Variants in HFE observed in about 807,000 individuals in gnomAD.
HFE encodes the protein homeostatic iron regulator.
HFE carries 36 observed loss-of-function variants against 40.9 expected under a neutral mutation model. The ratio of observed to expected loss-of-function variants is 0.88; its 90% CI spans 0.67 to 1.16. HFE has a LOEUF of 1.16. HFE is among the 50% of genes most tolerant of loss of function. The pLI is 0.00. For missense variants in HFE, 376 were observed against 432.0 expected (o/e 0.87, Z 1.15); for synonymous variants, 157 against 165.4 (o/e 0.95, Z 0.39).
rs552151565 is a variant in HFE, at chr6:26,096,279, G to T, written c.*2053G>T. ...CTCCCAAGTAGCTGGGATTACAGGC[G>T]TGCACCACCATGCCCGGCTAATTTT... On this transcript the variant is annotated 3_prime_UTR_variant, in exon 6 of 6. Transcript: ENST00000357618. The T allele has an allele frequency of 3.0e-6, 1 of 334,266 alleles. No individual in the cohort carries two copies. Among genetic ancestry groups the T allele is most frequent in the Non-Finnish European group, 5.9e-6 (1 of 170,312 alleles). The allele number at this position is 334,266 out of a possible 1,614,324, so 20.7% of individuals were successfully genotyped here.
intron 1 of HFE, among the ~76,000 whole-genome samples, chr6:26,089,277 G>T (rs1213911580): frequency 6.6e-6 from 1 of 152,088 alleles, no homozygotes; most frequent in African/African-American, 2.4e-5. Flanking sequence ...ACAAACTCCT[G>T]GTTAAGAAGC....
Position 26,092,860 on chromosome 6 carries a change from C to G in HFE, c.792C>G (p.Tyr264Ter), listed in dbSNP as rs780246573. 1 of 1,614,184 alleles carries G rather than the reference C, an allele frequency of 6.2e-7. No homozygotes were observed. Among genetic ancestry groups the G allele is most frequent in the South Asian group, 1.1e-5 (1 of 91,082 alleles). ...KDVLPNGDGT[Y>*]QGWITLAVPP... ...TATTGCCCAATGGGGATGGGACCTACCAGGGCTGGATAACCTTGGCTGTAC... is the reference window on the plus strand; with the variant it reads ...TATTGCCCAATGGGGATGGGACCTAGCAGGGCTGGATAACCTTGGCTGTAC... The change falls in exon 4 of 6, where the codon TAC becomes TAG. Residue 264 changes from tyrosine to a stop codon, truncating the protein, a stop_gained. Coordinates refer to ENST00000357618, the MANE Select transcript of HFE (RefSeq NM_000410.4). LOFTEE classifies it high-confidence loss of function.
chr6:26,089,183 T>C (rs1454090340), intron 1 of HFE, among the ~76,000 whole-genome samples: 1 of 150,562 alleles, frequency 6.6e-6, no homozygotes, highest in East Asian at 2.0e-4. Flanking sequence ...TATCCTGTCC[T>C]CCCTACTCAC....
In HFE at chr6:26,095,325, TA is replaced by T. The variant is rs1487788562; in HGVS notation, c.*1104del. 1 of 151,876 alleles carries T rather than the reference TA, an allele frequency of 6.6e-6. No individual in the cohort carries two copies. The highest frequency in any genetic ancestry group is 2.4e-5 in the African/African-American group (1 of 41,324). The allele number at this position is 151,876 out of a possible 1,614,324, so 9.4% of individuals were successfully genotyped here. ...TAACATGGTGAAACCCCATCTCTAATAAAAATACAAAAAATTAGCTGGGCGT... is the reference window on the plus strand; with the variant it reads ...TAACATGGTGAAACCCCATCTCTAATAAAATACAAAAAATTAGCTGGGCGT... On this transcript the variant is annotated 3_prime_UTR_variant, in exon 6 of 6. Transcript: ENST00000357618.
chr6:26,087,482 T>C lies in HFE; in HGVS notation c.42T>C (p.Leu14=). ...RARPALLLLM[L]LQTAVLQGRL... is the part of the protein sequence containing the mutation. ...GGCCGGCGCTTCTCCTCCTGATGCT[T>C]TTGCAGACCGCGGTCCTGCAGGGGC... Residue 14 remains leucine (L), a synonymous_variant, in exon 1 of 6, where the codon CTT becomes CTC. Transcript: ENST00000357618. 6.2e-7 allele frequency: 1 copy of C among 1,614,008 alleles called. No individual in the cohort carries two copies. Among genetic ancestry groups the C allele is most frequent in the South Asian group, 1.1e-5 (1 of 91,078 alleles).
At chr6:26,092,603 C>T (rs772895483) in intron 3 of HFE, 82 bp from the exon 4 acceptor site, 14 of 1,612,654 alleles carry the variant, frequency 8.7e-6, no homozygotes, top group Non-Finnish European at 1.2e-5. Flanking sequence ...TTCCTCCAAC[C>T]TATAGAAGGA....
rs1276498610 is a variant in HFE, at chr6:26,097,917, T to C, written c.*3691T>C. 6.6e-6 allele frequency: 1 copy of C among 152,228 alleles called. No individual in the cohort carries two copies. Among genetic ancestry groups the C allele is most frequent in the Non-Finnish European group, 1.5e-5 (1 of 68,046 alleles). 9.4% of individuals were successfully genotyped at this position (152,228 alleles called of 1,614,324 possible). ...ATTTTTCATAAACTCAGTTTTAAAC[T>C]AACTTTTTTTCAAACCACAATCTGA... On this transcript the variant is annotated 3_prime_UTR_variant, in exon 6 of 6. Coordinates refer to ENST00000357618, the MANE Select transcript of HFE (RefSeq NM_000410.4).
chr6:26,088,837 G>A (rs1392737660), intron 1 of HFE, among the ~76,000 whole-genome samples: 1 of 152,142 alleles, frequency 6.6e-6, no homozygotes, highest in Admixed American at 6.5e-5. Flanking sequence ...AGAGAGCAGG[G>A]AAACAAGTCT....
At chr6:26,093,272 CCCAGGG>C in intron 5 of HFE, 40 bp downstream of exon 5, 1 of 1,397,652 alleles carries the variant, frequency 7.2e-7, no homozygotes, top group Non-Finnish European at 1.0e-6. Context: ...GTACCTCTGC[CCCAGGG>C]CACAGTGGGA....
In HFE at chr6:26,092,958, G is replaced by A. The variant is rs780086403; in HGVS notation, c.890G>A (p.Trp297Ter). 6.2e-7 allele frequency: 1 copy of A among 1,614,044 alleles called. No individual in the cohort carries two copies. Among genetic ancestry groups the A allele is most frequent in the Non-Finnish European group, 8.5e-7 (1 of 1,180,036 alleles). Residue 297 changes from tryptophan (W) to a stop codon, truncating the protein, a stop_gained and splice_region_variant, in exon 4 of 6, where the codon TGG becomes TAG. Coordinates refer to ENST00000357618, the MANE Select transcript of HFE (RefSeq NM_000410.4). LOFTEE classifies it high-confidence loss of function. ...CTGGATCAGCCCCTCATTGTGATCT[G>A]GGGTATGTGACTGATGAGAGCCAGG... Reference protein sequence around the residue: ...PGLDQPLIVIWEPSPSGTLVI... With the variant: ...PGLDQPLIVI
intron 5 of HFE, 74 bp from the exon 6 acceptor site, chr6:26,094,112 A>T: frequency 1.4e-6 from 2 of 1,409,282 alleles, no homozygotes; most frequent in Non-Finnish European, 2.0e-6. Context: ...GAATGAGGAA[A>T]ATAAGGAAGA....
In HFE at chr6:26,091,108, T is replaced by C. The variant is rs2071303; in HGVS notation, c.340+4T>C. The C allele has an allele frequency of 0.36, 576,515 of 1,613,544 alleles. 106,933 individuals are homozygous for C. Among genetic ancestry groups the C allele is most frequent in the East Asian group, 0.71 (31,860 of 44,858 alleles). On this transcript the variant is annotated splice_donor_region_variant and intron_variant, in intron 2 of 5. Transcript: ENST00000357618. ...GAAAATCACAACCACAGCAAGGGTA[T>C]GTGGAGAGGGGGCCTCACCTTCCTG... is the stretch of plus-strand genomic sequence containing the variant.
In HFE at chr6:26,096,736, C is replaced by A; in HGVS notation, c.*2510C>A. The A allele has an allele frequency of 2.7e-6, 1 of 372,738 alleles. No homozygotes were observed. Among genetic ancestry groups the A allele is most frequent in the Non-Finnish European group, 5.2e-6 (1 of 193,344 alleles). 23.1% of individuals were successfully genotyped at this position (372,738 alleles called of 1,614,324 possible). On this transcript the variant is annotated 3_prime_UTR_variant, in exon 6 of 6. Transcript: ENST00000357618. The stretch of plus-strand genomic sequence containing the variant: ...ACAATTAAAGCTGTTATTTAATTAG[C>A]CAGTGAAAAACTATTAACAACTTGT...
At chr6:26,092,072 G>C (rs142114112) in intron 3 of HFE, among the ~76,000 whole-genome samples, 2 of 151,254 alleles carry the variant, frequency 1.3e-5, no homozygotes, top group Non-Finnish European at 2.9e-5. Context: ...TAATTGGAAG[G>C]CTGAGGCAGG....
rs777836090 is a variant in HFE at position 26,093,235 on chromosome 6, G to A, written c.1006+3G>A. On this transcript the variant is annotated splice_donor_region_variant and intron_variant, in intron 5 of 5. Coordinates refer to ENST00000357618, the MANE Select transcript of HFE (RefSeq NM_000410.4). ...ATTAAGGAAGAGGCAGGGTTCAAGTGAGTAGGAACAAGGGGGAAGTCTCTT... is the reference window on the plus strand; with the variant it reads ...ATTAAGGAAGAGGCAGGGTTCAAGTAAGTAGGAACAAGGGGGAAGTCTCTT... 6.3e-7 allele frequency: 1 copy of A among 1,597,696 alleles called. No homozygotes were observed. Among genetic ancestry groups the A allele is most frequent in the Non-Finnish European group, 8.6e-7 (1 of 1,165,088 alleles).
In HFE at chr6:26,098,132, T is replaced by C. The variant is rs1581679799; in HGVS notation, c.*3906T>C. 3 of 152,122 alleles carry C rather than the reference T, an allele frequency of 2.0e-5. No individual in the cohort carries two copies. The highest frequency in any genetic ancestry group is 7.3e-5 in the African/African-American group (3 of 41,338). The allele number at this position is 152,122 out of a possible 1,614,324, so 9.4% of individuals were successfully genotyped here. A position where few individuals can be genotyped will look rare whatever the true frequency, so the allele number is the denominator to read the frequency against. On this transcript the variant is annotated 3_prime_UTR_variant, in exon 6 of 6. Transcript: ENST00000357618. ...TACTACAATATTAAAGTATTTTGTA[T>C]GACAATTTTATTTGAAAGCCTAGGA...
In HFE at chr6:26,087,484, T is replaced by C. The variant is rs1266453187; in HGVS notation, c.44T>C (p.Leu15Ser). 1 of 1,614,068 alleles carries C rather than the reference T, an allele frequency of 6.2e-7. No homozygotes were observed. The highest frequency in any genetic ancestry group is 1.1e-5 in the South Asian group (1 of 91,082). Residue 15 changes from leucine (L) to serine (S), a missense_variant, in exon 1 of 6, where the codon TTG becomes TCG. This residue lies in a region of HFE where 200 missense variants were observed against 228.5 expected (regional missense o/e 0.88). Coordinates refer to ENST00000357618, the MANE Select transcript of HFE (RefSeq NM_000410.4). Reference protein sequence around the residue: ...ARPALLLLMLLQTAVLQGRLL... With the variant: ...ARPALLLLMLSQTAVLQGRLL... Reference sequence around the variant, plus strand: ...CCGGCGCTTCTCCTCCTGATGCTTTTGCAGACCGCGGTCCTGCAGGGGCGC... The same window carrying C: ...CCGGCGCTTCTCCTCCTGATGCTTTCGCAGACCGCGGTCCTGCAGGGGCGC...
intron 2 of HFE, 55 bp from the exon 3 acceptor site, chr6:26,091,259 G>A (rs1037169853): frequency 3.1e-6 from 5 of 1,612,462 alleles, no homozygotes; most frequent in Non-Finnish European, 4.2e-6. Context: ...TGGGGATGGT[G>A]GAAATAGGGA....
intron 5 of HFE, among the ~76,000 whole-genome samples, chr6:26,093,742 G>A (rs1762888235): frequency 6.6e-6 from 1 of 151,926 alleles, no homozygotes. Context: ...AAGTAGGAGA[G>A]TATAAGGCAT....
Sources: gnomAD v4.1 joint callset for allele counts (sites outside exome capture counted in the v4.1 genomes callset) on GRCh38, gnomAD v4.1.1 for gene constraint, gnomAD v4.1.1 regional missense constraint, MANE v1.5 for transcripts, NCBI Gene and HGNC (gene_info 2026-07-23, HGNC 2026-07-21) for gene names.